CELF2: variants seen among roughly 807,000 people sequenced by gnomAD.
The protein encoded by CELF2 is CUGBP Elav-like family member 2.
CELF2 carries 8 observed loss-of-function variants against 62.6 expected under a neutral mutation model. That is an observed-to-expected ratio of 0.13 (90% CI 0.07 to 0.23). CELF2 has a LOEUF of 0.23. CELF2 is among the 10% of genes least tolerant of loss of function. CELF2 has a pLI of 1.00. For missense variants in CELF2, 333 were observed against 671.0 expected, an observed-to-expected ratio of 0.50 and a Z score of 5.56; for synonymous variants, 258 against 250.0, an observed-to-expected ratio of 1.03 and a Z score of -0.30.
rs1592119743 is a variant in CELF2 at position 10,934,513 on chromosome 10, T to G, written c.89+14514T>G. On this transcript the variant is annotated intron_variant, in intron 2 of 13. Transcript: ENST00000636488. The surrounding 1 kb of genome is among the most constrained non-coding windows in gnomAD (Gnocchi z 4.4). ...TAGAAACAAAAACGAAATAGTTGATTACAGAAAATATTGGGGAAAACTAAT... is the reference window on the plus strand; with the variant it reads ...TAGAAACAAAAACGAAATAGTTGATGACAGAAAATATTGGGGAAAACTAAT... The G allele has an allele frequency of 6.6e-6, 1 of 152,332 alleles. No homozygotes were observed. Among genetic ancestry groups the G allele is most frequent in the East Asian group, 1.9e-4 (1 of 5,188 alleles). 9.4% of individuals were successfully genotyped at this position (152,332 alleles called of 1,614,324 possible).
At chr10:10,768,038 C>T in the CELF2 span, among the ~76,000 whole-genome samples, 330 of 144,822 alleles carry the variant, frequency 2.3e-3, 5 homozygotes, top group African/African-American at 8.3e-3. Flanking sequence ...TGGTGACGGG[C>T]GCCTGTAGTC....
In CELF2 at chr10:10,920,054, A is replaced by C. The variant is rs2064742642; in HGVS notation, c.89+55A>C. 7 of 1,149,690 alleles carry C rather than the reference A, an allele frequency of 6.1e-6. No homozygotes were observed. The East Asian group carries it at 2.2e-4, about 37-fold the overall frequency. 71.2% of individuals were successfully genotyped at this position (1,149,690 alleles called of 1,614,324 possible). On this transcript the variant is annotated intron_variant, in intron 2 of 13. Transcript: ENST00000636488. Reference sequence around the variant, plus strand: ...CCCGATTTCTTATATCCACAAAGAGAAGTACTGTGCCATGTCTTCTGTAAG... The same window carrying C: ...CCCGATTTCTTATATCCACAAAGAGCAGTACTGTGCCATGTCTTCTGTAAG...
At chr10:10,678,890 A>C in the CELF2 span, among the ~76,000 whole-genome samples, 5 of 152,174 alleles carry the variant, frequency 3.3e-5, no homozygotes, top group African/African-American at 1.2e-4. Context: ...TGAGGTCAAA[A>C]TAAGATGAAA....
At chr10:11,239,860 C>G (rs1394250935) in intron 3 of CELF2, among the ~76,000 whole-genome samples, 1 of 152,096 alleles carries the variant, frequency 6.6e-6, no homozygotes, top group Non-Finnish European at 1.5e-5. Flanking sequence ...TTGAGACCAA[C>G]CTGGCCAACA....
the CELF2 span, among the ~76,000 whole-genome samples, chr10:10,487,958 A>C: frequency 6.6e-6 from 1 of 152,096 alleles, no homozygotes; most frequent in East Asian, 1.9e-4. Context: ...TTACATAATC[A>C]TTATGTGATC....
intron 2 of CELF2, among the ~76,000 whole-genome samples, chr10:10,985,220 T>A (rs983830976): frequency 6.6e-6 from 1 of 152,180 alleles, no homozygotes; most frequent in Admixed American, 6.5e-5. Flanking sequence ...GGGGTTCACA[T>A]TTTGGTGATA....
At chr10:10,625,003 G>A in the CELF2 span, among the ~76,000 whole-genome samples, 4 of 152,168 alleles carry the variant, frequency 2.6e-5, no homozygotes, top group African/African-American at 9.7e-5. Flanking sequence ...GCCTAAGTGG[G>A]CGAGAATATT....
At chr10:10,881,635 T>C (rs1283290441) in intron 1 of CELF2, among the ~76,000 whole-genome samples, 1 of 152,242 alleles carries the variant, frequency 6.6e-6, no homozygotes, top group Non-Finnish European at 1.5e-5. Context: ...ATCTGACTTT[T>C]GATGAGAATA....
At chr10:10,696,678 G>A in the CELF2 span, among the ~76,000 whole-genome samples, 33,771 of 150,840 alleles carry the variant, frequency 0.22, 4,183 homozygotes, top group South Asian at 0.43. Flanking sequence ...AGGACCCTCC[G>A]AGCCAGGTGT....
At chr10:11,189,835 C>T (rs559719835) in intron 2 of CELF2, among the ~76,000 whole-genome samples, 30 of 152,346 alleles carry the variant, frequency 2.0e-4, no homozygotes, top group Middle Eastern at 6.8e-3. Context: ...TAGTGGCACA[C>T]GTTGACTCAG....
the CELF2 span, among the ~76,000 whole-genome samples, chr10:10,632,865 T>G: frequency 1.1e-4 from 16 of 152,326 alleles, no homozygotes; most frequent in Non-Finnish European, 2.1e-4. Context: ...CACACACAGC[T>G]ACGATTATGT....
chr10:10,643,646 C>T, the CELF2 span, among the ~76,000 whole-genome samples: 29,702 of 152,066 alleles, frequency 0.2, 3,385 homozygotes, highest in Non-Finnish European at 0.27. Context: ...TAGTCTAACA[C>T]TATCATTTAT....
intron 2 of CELF2, among the ~76,000 whole-genome samples, chr10:11,184,625 A>G (rs2074342459): frequency 6.6e-6 from 1 of 152,184 alleles, no homozygotes; most frequent in Non-Finnish European, 1.5e-5. Context: ...ATCCCTAGTC[A>G]GATTTATCCC....
At chr10:10,935,008 T>C (rs1221876288) in intron 2 of CELF2, 1 of 152,216 alleles carries the variant, frequency 6.6e-6, no homozygotes, top group Non-Finnish European at 1.5e-5. Flanking sequence ...AGGACTTCTC[T>C]GGGGTGACTT....
intron 2 of CELF2, among the ~76,000 whole-genome samples, chr10:11,212,489 G>A (rs1437948766): frequency 6.6e-6 from 1 of 152,204 alleles, no homozygotes; most frequent in East Asian, 1.9e-4. Flanking sequence ...GTAAGATCTG[G>A]TGTATTTCCC....
chr10:10,978,715 A>G (rs1323978174), intron 2 of CELF2, among the ~76,000 whole-genome samples: 2 of 152,244 alleles, frequency 1.3e-5, no homozygotes. Context: ...GCAAGACTCA[A>G]CCACTACCGA....
chr10:11,020,352 C>G (rs2058104451), intron 1 of CELF2, among the ~76,000 whole-genome samples: 1 of 152,094 alleles, frequency 6.6e-6, no homozygotes, highest in Non-Finnish European at 1.5e-5. Context: ...CTCCATAGCC[C>G]TGAGAACACT....
At chr10:10,724,247 T>C in the CELF2 span, among the ~76,000 whole-genome samples, 1 of 152,214 alleles carries the variant, frequency 6.6e-6, no homozygotes, top group Admixed American at 6.5e-5. Context: ...TGGACAAATT[T>C]GGGGTATTCA....
chr10:11,142,835 A>G (rs2061584169), intron 1 of CELF2, among the ~76,000 whole-genome samples: 1 of 152,054 alleles, frequency 6.6e-6, no homozygotes, highest in Non-Finnish European at 1.5e-5. Context: ...GTAGTTAGGA[A>G]GAGATTCTGG....
Sources: allele counts gnomAD v4.1 joint callset (sites outside exome capture counted in the v4.1 genomes callset), GRCh38; gene constraint gnomAD v4.1.1; non-coding constraint Gnocchi (gnomAD v3.1); transcripts MANE v1.5; gene names NCBI Gene and HGNC (gene_info 2026-07-23, HGNC 2026-07-21).